Variants in ITGBL1 observed in about 807,000 individuals in gnomAD.
The protein encoded by ITGBL1 is integrin beta-like protein 1.
Under a neutral mutation model 68.5 loss-of-function variants are expected in ITGBL1, and 51 were observed. The ratio of observed to expected loss-of-function variants is 0.74; its 90% CI spans 0.59 to 0.94. The LOEUF (loss-of-function observed/expected upper bound fraction) is 0.94. Ranked by LOEUF, ITGBL1 falls within the 40% of genes least tolerant of loss-of-function variation. The probability of loss-of-function intolerance (pLI) is 0.00; values close to 1 mark genes in which losing one functional copy is unlikely to be tolerated. For missense variants in ITGBL1, 649 were observed against 647.4 expected (o/e 1.00, Z -0.03); for synonymous variants, 209 against 227.3 (o/e 0.92, Z 0.72).
intron 2 of ITGBL1, among the ~76,000 whole-genome samples, chr13:101,531,136 A>G (rs898351893): frequency 3.3e-5 from 5 of 152,122 alleles, no homozygotes; most frequent in African/African-American, 1.2e-4. Context: ...TGTGTGTACT[A>G]TATATTTAGT....
intron 7 of ITGBL1, among the ~76,000 whole-genome samples, chr13:101,680,238 A>ATG: frequency 1.3e-5 from 2 of 152,194 alleles, no homozygotes; most frequent in Non-Finnish European, 2.9e-5. Context: ...TTGCAAGGGA[A>ATG]CTTAGGATGC....
intron 3 of ITGBL1, 43 bp downstream of exon 3, chr13:101,567,888 A>C: frequency 6.5e-7 from 1 of 1,549,720 alleles, no homozygotes; most frequent in African/African-American, 1.4e-5. Flanking sequence ...GGAATAATCA[A>C]ATTTTGTTTT....
At chr13:101,653,992 G>A (rs1352652218) in intron 7 of ITGBL1, among the ~76,000 whole-genome samples, 1 of 151,696 alleles carries the variant, frequency 6.6e-6, no homozygotes, top group African/African-American at 2.4e-5. Context: ...TTACAGGCAT[G>A]AGCCACTGTG....
At chr13:101,531,373 C>T (rs939900760) in intron 2 of ITGBL1, among the ~76,000 whole-genome samples, 1 of 152,082 alleles carries the variant, frequency 6.6e-6, no homozygotes, top group Non-Finnish European at 1.5e-5. Flanking sequence ...CATTAATATT[C>T]ATTCACTTAT....
At chr13:101,713,693 T>A (rs2034585018) in intron 9 of ITGBL1, 1 of 152,150 alleles carries the variant, frequency 6.6e-6, no homozygotes, top group South Asian at 2.1e-4. Context: ...TTTAAATATA[T>A]CATTAATAAA....
chr13:101,624,602 G>A (rs1266381921), intron 7 of ITGBL1, among the ~76,000 whole-genome samples: 1 of 152,146 alleles, frequency 6.6e-6, no homozygotes, highest in East Asian at 1.9e-4. Flanking sequence ...TCTCTTTGCC[G>A]AGTCCTGACA....
intron 2 of ITGBL1, among the ~76,000 whole-genome samples, chr13:101,543,461 C>A (rs1000023264): frequency 3.3e-5 from 5 of 152,068 alleles, no homozygotes; most frequent in African/African-American, 4.8e-5. Flanking sequence ...TTGTGGGTAA[C>A]CCTACCTTTC....
intron 2 of ITGBL1, among the ~76,000 whole-genome samples, chr13:101,479,030 G>T (rs1280898884): frequency 6.6e-6 from 1 of 151,980 alleles, no homozygotes; most frequent in Non-Finnish European, 1.5e-5. Flanking sequence ...AACAAAACTG[G>T]AGGCATCATA....
At chr13:101,516,260 C>T (rs1454025663) in intron 2 of ITGBL1, among the ~76,000 whole-genome samples, 1 of 152,040 alleles carries the variant, frequency 6.6e-6, no homozygotes, top group Non-Finnish European at 1.5e-5. Flanking sequence ...CTCCTCTGTC[C>T]CATCCTTTGC....
intron 6 of ITGBL1, among the ~76,000 whole-genome samples, chr13:101,585,627 T>A (rs536043479): frequency 7.8e-4 from 119 of 152,218 alleles, no homozygotes; most frequent in African/African-American, 2.8e-3. Context: ...GAGAAGGGTT[T>A]CACTGTGTTA....
At chr13:101,633,807 T>C (rs954898482) in intron 7 of ITGBL1, among the ~76,000 whole-genome samples, 9 of 152,204 alleles carry the variant, frequency 5.9e-5, no homozygotes, top group African/African-American at 2.2e-4. Context: ...CTATATCTCA[T>C]ACCTGGTGTC....
chr13:101,610,281 A>C (rs4144376), intron 7 of ITGBL1, among the ~76,000 whole-genome samples: 87,281 of 151,958 alleles, frequency 0.57, 26,717 homozygotes, highest in Middle Eastern at 0.69. Flanking sequence ...TCTTCATAGA[A>C]TCAGCCTCAA....
chr13:101,473,421 G>A (rs2048490639), intron 2 of ITGBL1, among the ~76,000 whole-genome samples: 1 of 152,148 alleles, frequency 6.6e-6, no homozygotes, highest in Non-Finnish European at 1.5e-5. Flanking sequence ...GACAACAAGG[G>A]GCAGGATTCA....
downstream of ITGBL1, chr13:101,719,626 G>C (rs990903517): frequency 6.6e-6 from 1 of 151,992 alleles, no homozygotes; most frequent in African/African-American, 2.4e-5. Context: ...ATTTCTGAGC[G>C]TTGTTGAGGG....
intron 8 of ITGBL1, among the ~76,000 whole-genome samples, chr13:101,703,174 TA>T (rs11364711): frequency 0.43 from 62,880 of 145,166 alleles, 13,398 homozygotes; most frequent in Admixed American, 0.51. Flanking sequence ...CCACAGGAGG[TA>T]AAAAAAAAAA....
At chr13:101,521,575 A>G (rs528917017) in intron 2 of ITGBL1, among the ~76,000 whole-genome samples, 1 of 152,134 alleles carries the variant, frequency 6.6e-6, no homozygotes, top group South Asian at 2.1e-4. Flanking sequence ...AGATGACGTC[A>G]GAGGAGTGAT....
At chr13:101,558,302 A>C (rs7988693) in intron 2 of ITGBL1, among the ~76,000 whole-genome samples, 1 of 151,790 alleles carries the variant, frequency 6.6e-6, no homozygotes, top group Non-Finnish European at 1.5e-5. Flanking sequence ...TAAGATACTG[A>C]GGACTCCAGA....
intron 2 of ITGBL1, among the ~76,000 whole-genome samples, chr13:101,561,906 ATAAAT>A (rs996309398): frequency 2.0e-5 from 3 of 152,196 alleles, no homozygotes; most frequent in African/African-American, 4.8e-5. Flanking sequence ...TGAAAATGGA[ATAAAT>A]TAAAGTGTAA....
chr13:101,467,451 T>G (rs1460924479), intron 2 of ITGBL1, among the ~76,000 whole-genome samples: 1 of 152,220 alleles, frequency 6.6e-6, no homozygotes, highest in East Asian at 1.9e-4. Context: ...AGCTATTTTC[T>G]AATAACTTCT....
Sources: gnomAD v4.1 joint callset for allele counts (sites outside exome capture counted in the v4.1 genomes callset) on GRCh38, gnomAD v4.1.1 for gene constraint, MANE v1.5 for transcripts, NCBI Gene and HGNC (gene_info 2026-07-23, HGNC 2026-07-21) for gene names.